The following GLMN variants were observed in gnomAD, a reference collection of about 807,000 sequenced individuals.
GLMN encodes glomulin.
In GLMN, 75 loss-of-function variants were observed where a neutral mutation model predicts 87.8. That is an observed-to-expected ratio of 0.85 (90% CI 0.71 to 1.04). GLMN has a LOEUF of 1.04. Ranked by LOEUF, GLMN falls within the 50% of genes least tolerant of loss-of-function variation. GLMN has a pLI of 0.00. For synonymous variants in GLMN, 206 were observed against 221.6 expected (o/e 0.93, Z 0.63); for missense variants, 588 against 658.8 (o/e 0.89, Z 1.18).
chr1:92,261,842 G>A (rs1655091695), intron 16 of GLMN, among the ~76,000 whole-genome samples: 1 of 151,968 alleles, frequency 6.6e-6, no homozygotes, highest in Non-Finnish European at 1.5e-5. Flanking sequence ...GACAGAGGGT[G>A]GAGTGATAGA....
At chr1:92,262,978 G>A (rs937434418) in intron 15 of GLMN, 52 bp from the exon 16 acceptor site, 4 of 759,922 alleles carry the variant, frequency 5.3e-6, no homozygotes, top group Middle Eastern at 2.7e-4. Context: ...ATAGTCAACA[G>A]CAATCTCAAT....
chr1:92,336,670 G>A, the GLMN span, among the ~76,000 whole-genome samples: 3 of 152,034 alleles, frequency 2.0e-5, no homozygotes, highest in East Asian at 1.9e-4. Flanking sequence ...GCCTAAAATT[G>A]AGAAGGAAAA....
the GLMN span, among the ~76,000 whole-genome samples, chr1:92,322,280 T>C: frequency 6.6e-6 from 1 of 150,410 alleles, no homozygotes; most frequent in South Asian, 2.2e-4. Context: ...TTTAAAAAGG[T>C]CAGCCAGTAA....
At chr1:92,325,711 G>T in the GLMN span, among the ~76,000 whole-genome samples, 1 of 151,920 alleles carries the variant, frequency 6.6e-6, no homozygotes, top group Non-Finnish European at 1.5e-5. Context: ...AAGTAAACTA[G>T]AAGCCCCATA....
chr1:92,255,854 TAGAG>T lies in GLMN; in HGVS notation c.1473+7005_1473+7008del, dbSNP rs773420338. 2.2e-4 allele frequency among the ~76,000 whole-genome samples: 33 copies of T among 151,742 alleles called. 1 individual carries two copies. The highest frequency in any genetic ancestry group is 5.9e-4 in the Admixed American group (9 of 15,252). Reference sequence around the variant, plus strand: ...GACCTAACATCACAATTAAAAGAAATAGAGAGGCAAAAGCAAACAAATTCAAAAG... The same window carrying T: ...GACCTAACATCACAATTAAAAGAAATAGGCAAAAGCAAACAAATTCAAAAG... On this transcript the variant is annotated intron_variant, in intron 16 of 18. Transcript: ENST00000370360.
intron 16 of GLMN, among the ~76,000 whole-genome samples, chr1:92,262,094 G>A (rs1655125187): frequency 6.6e-6 from 1 of 152,118 alleles, no homozygotes; most frequent in Non-Finnish European, 1.5e-5. Flanking sequence ...AGGAAGGAAA[G>A]AGACTGCTAC....
Position 92,290,233 on chromosome 1 carries a change from T to C in GLMN, c.359A>G (p.Gln120Arg). 5 of 1,608,008 alleles carry C rather than the reference T, an allele frequency of 3.1e-6. No homozygotes were observed. The highest frequency in any genetic ancestry group is 3.4e-6 in the Non-Finnish European group (4 of 1,174,640). ...TGGCTGAAGCAAAAGAAGAATACTT[T>C]GGGATATCTGTTTTCCAGAGGGCTC... ...IEEPSGKQIS[Q>R]SILLLLQPLQ... is the part of the protein sequence containing the mutation. Residue 120 changes from glutamine to arginine, a missense_variant, in exon 5 of 19, where the codon CAA (glutamine) becomes CGA (arginine). Physicochemically the swap from Gln to Arg is conservative, Grantham distance 43. Transcript: ENST00000370360.
At chr1:92,327,277 T>C in the GLMN span, among the ~76,000 whole-genome samples, 2 of 152,178 alleles carry the variant, frequency 1.3e-5, no homozygotes, top group Non-Finnish European at 2.9e-5. Context: ...CCCACTATTA[T>C]TGTGTTGCTT....
chr1:92,292,584 GC>G (rs1175027913), intron 3 of GLMN, among the ~76,000 whole-genome samples: 1 of 123,676 alleles, frequency 8.1e-6, no homozygotes, highest in Non-Finnish European at 1.7e-5. Context: ...CTAATTTTTT[GC>G]CTTTTTTTTT....
At chr1:92,252,603 A>T (rs1007672194) in intron 16 of GLMN, among the ~76,000 whole-genome samples, 3 of 152,190 alleles carry the variant, frequency 2.0e-5, no homozygotes, top group African/African-American at 7.2e-5. Context: ...ATAATTCCAC[A>T]AATTTTTCAG....
rs575244828 is a variant in GLMN at position 92,283,111 on chromosome 1, T to C, written c.735+3379A>G. Among the ~76,000 whole-genome samples the C allele has an allele frequency of 1.4e-4, 21 of 152,302 alleles. No individual in the cohort carries two copies. The East Asian group carries it at 4.1e-3, about 29-fold the overall frequency. On this transcript the variant is annotated intron_variant, in intron 7 of 18. Coordinates refer to ENST00000370360, the MANE Select transcript of GLMN (RefSeq NM_053274.3). Reference sequence around the variant, plus strand: ...CAATCAATAGAAAAAGAGGGAATCCTCCCTAACTCATTTTAGGAGGCCGGC... The same window carrying C: ...CAATCAATAGAAAAAGAGGGAATCCCCCCTAACTCATTTTAGGAGGCCGGC...
chr1:92,290,519 T>G (rs1033817980), intron 4 of GLMN, among the ~76,000 whole-genome samples: 2 of 152,144 alleles, frequency 1.3e-5, no homozygotes, highest in African/African-American at 4.8e-5. Flanking sequence ...AAGCAAGAAG[T>G]CAATGGATCT....
In GLMN at chr1:92,288,895, T is replaced by G; in HGVS notation, c.632+19A>C. On this transcript the variant is annotated intron_variant, in intron 6 of 18. Coordinates refer to ENST00000370360, the MANE Select transcript of GLMN (RefSeq NM_053274.3). ...AATTACTTAAGTCCACTGTGAGATG[T>G]TCTTAAAATTATACTTACAATTTCA... 1 of 1,190,902 alleles carries G rather than the reference T, an allele frequency of 8.4e-7. No individual in the cohort carries two copies. The highest frequency in any genetic ancestry group is 1.3e-6 in the Non-Finnish European group (1 of 794,478). 73.8% of individuals were successfully genotyped at this position (1,190,902 alleles called of 1,614,324 possible).
At chr1:92,358,906 A>G in the GLMN span, among the ~76,000 whole-genome samples, 1 of 152,068 alleles carries the variant, frequency 6.6e-6, no homozygotes, top group Non-Finnish European at 1.5e-5. Context: ...TTAAATTTAA[A>G]AAAAACAAAA....
chr1:92,313,749 T>C, the GLMN span, among the ~76,000 whole-genome samples: 1 of 152,232 alleles, frequency 6.6e-6, no homozygotes, highest in African/African-American at 2.4e-5. Flanking sequence ...CTTCCTCCAA[T>C]ATAAGGCTGA....
the GLMN span, among the ~76,000 whole-genome samples, chr1:92,356,896 C>CCTAAAATACAACA: frequency 6.6e-6 from 1 of 151,834 alleles, no homozygotes; most frequent in Non-Finnish European, 1.5e-5. Context: ...AAGTATGTCT[C>CCTAAAATACAACA]TCCTAAAAAT....
intron 16 of GLMN, among the ~76,000 whole-genome samples, chr1:92,249,385 T>C (rs965611481): frequency 6.6e-6 from 1 of 151,942 alleles, no homozygotes; most frequent in African/African-American, 2.4e-5. Flanking sequence ...ATTTGGGTTA[T>C]ATGCAGCAGG....
rs1338981957 is a variant in GLMN at position 92,266,463 on chromosome 1, C to T, written c.1170G>A (p.Leu390=). 10 of 1,573,914 alleles carry T rather than the reference C, an allele frequency of 6.4e-6. No homozygotes were observed. The highest frequency in any genetic ancestry group is 8.7e-6 in the Non-Finnish European group (10 of 1,144,364). ...CTTGTGAATCCAACTTGTTAATATA[C>T]AGCTGAAGCATAGCTAAACTCTTTT... is the stretch of plus-strand genomic sequence containing the variant. ...LRKKSLAMLQ[L]YINKLDSQGK... is the part of the protein sequence containing the mutation. The change falls in exon 13 of 19, where the codon CTG becomes CTA. Residue 390 remains leucine (L), a synonymous_variant. Coordinates refer to ENST00000370360, the MANE Select transcript of GLMN (RefSeq NM_053274.3).
chr1:92,345,379 T>TAAAAAA, the GLMN span, among the ~76,000 whole-genome samples: 5 of 73,770 alleles, frequency 6.8e-5, no homozygotes, highest in Admixed American at 1.8e-4. Context: ...CCCGTTTCTT[T>TAAAAAA]AAAAAAAAAA....
Sources: gnomAD v4.1 joint callset for allele counts (sites outside exome capture counted in the v4.1 genomes callset) on GRCh38, gnomAD v4.1.1 for gene constraint, MANE v1.5 for transcripts, NCBI Gene and HGNC (gene_info 2026-07-23, HGNC 2026-07-21) for gene names.